The following VRK2 variants were observed in gnomAD, a reference collection of about 807,000 sequenced individuals.
The protein encoded by VRK2 is serine/threonine-protein kinase VRK2.
A neutral mutation model predicts 57.6 loss-of-function variants in VRK2; 60 were observed. The ratio of observed to expected loss-of-function variants is 1.04; its 90% CI spans 0.85 to 1.29. The LOEUF (loss-of-function observed/expected upper bound fraction) is 1.29. Ranked by LOEUF, VRK2 falls within the 50% of genes most tolerant of loss-of-function variation. The pLI, the probability that VRK2 is intolerant of heterozygous loss-of-function variation, is 0.00. For missense variants in VRK2, 705 were observed against 588.1 expected (o/e 1.20, Z -2.06); for synonymous variants, 231 against 199.2 (o/e 1.16, Z -1.35).
chr2:57,948,829 G>T (rs1273433926), intron 1 of VRK2, among the ~76,000 whole-genome samples: 4 of 152,080 alleles, frequency 2.6e-5, no homozygotes, highest in Admixed American at 2.6e-4. Flanking sequence ...CACAAAATGA[G>T]TATTTTGAAA....
chr2:57,920,875 G>A (rs11125736), intron 1 of VRK2, among the ~76,000 whole-genome samples: 42,723 of 151,828 alleles, frequency 0.28, 6,754 homozygotes, highest in African/African-American at 0.44. Flanking sequence ...TTTATTATGG[G>A]ATCAGAATAG....
intron 1 of VRK2, among the ~76,000 whole-genome samples, chr2:57,940,547 T>C (rs1197328751): frequency 2.8e-5 from 3 of 105,566 alleles, no homozygotes; most frequent in Non-Finnish European, 5.9e-5. Context: ...GAATTAACCA[T>C]CATACAGTCT....
At chr2:58,123,714 G>T (rs917717364) in intron 8 of VRK2, among the ~76,000 whole-genome samples, 1 of 151,844 alleles carries the variant, frequency 6.6e-6, no homozygotes, top group Non-Finnish European at 1.5e-5. Flanking sequence ...AATACAAAAG[G>T]GTTGGCACTT....
chr2:58,157,831 T>C (rs1157292282), intron 12 of VRK2, among the ~76,000 whole-genome samples: 1 of 152,192 alleles, frequency 6.6e-6, no homozygotes, highest in Non-Finnish European at 1.5e-5. Context: ...ACAATGCCAT[T>C]GTAGTGCAAA....
At chr2:58,089,281 T>C (rs1034135964) in intron 6 of VRK2, among the ~76,000 whole-genome samples, 3 of 152,192 alleles carry the variant, frequency 2.0e-5, no homozygotes, top group Admixed American at 6.5e-5. Context: ...CTGAGTGGGC[T>C]TCAAGATTAT....
chr2:58,107,382 T>A (rs1038134576), intron 7 of VRK2, among the ~76,000 whole-genome samples: 1 of 152,118 alleles, frequency 6.6e-6, no homozygotes, highest in Non-Finnish European at 1.5e-5. Flanking sequence ...TGTGAATCCA[T>A]TCAGTTTCAA....
chr2:58,120,860 T>C (rs564640187), intron 7 of VRK2, among the ~76,000 whole-genome samples: 1 of 152,344 alleles, frequency 6.6e-6, no homozygotes, highest in East Asian at 1.9e-4. Flanking sequence ...TGACCAGCCT[T>C]GCTGTAACAT....
intron 8 of VRK2, among the ~76,000 whole-genome samples, chr2:58,127,053 T>G (rs562122863): frequency 6.6e-6 from 1 of 152,244 alleles, no homozygotes; most frequent in East Asian, 1.9e-4. Context: ...TTGACATCTT[T>G]GATGACCATA....
intron 11 of VRK2, among the ~76,000 whole-genome samples, chr2:58,142,175 TA>T (rs1291471695): frequency 1.3e-5 from 2 of 151,952 alleles, no homozygotes; most frequent in Non-Finnish European, 2.9e-5. Flanking sequence ...TTTACATTTT[TA>T]AATGTTATTT....
At chr2:57,972,791 T>C (rs191848241) in intron 1 of VRK2, among the ~76,000 whole-genome samples, 5 of 152,006 alleles carry the variant, frequency 3.3e-5, no homozygotes, top group Admixed American at 1.3e-4. Flanking sequence ...TTCATTGTTG[T>C]CTACAACATG....
chr2:57,913,726 C>CT lies in VRK2; in HGVS notation c.-439+5890dup, dbSNP rs11368779. ...GATATTTTCACAAATTATACATACT[C>CT]TTTGCATGTTTTAATACTGCAGAGA... is the stretch of plus-strand genomic sequence containing the variant. On this transcript the variant is annotated intron_variant, in intron 1 of 15. Transcript: ENST00000417641. Among the ~76,000 whole-genome samples the CT allele has an allele frequency of 5.9e-3, 905 of 152,150 alleles. 10 individuals carry two copies. The highest frequency in any genetic ancestry group is 0.021 in the African/African-American group (852 of 41,518).
At chr2:57,966,754 T>G (rs1027038389) in intron 1 of VRK2, among the ~76,000 whole-genome samples, 1 of 152,178 alleles carries the variant, frequency 6.6e-6, no homozygotes, top group Non-Finnish European at 1.5e-5. Flanking sequence ...TCCTCTAGAA[T>G]TATTTTTAAG....
At chr2:58,102,320 T>TA (rs1005544377) in intron 7 of VRK2, among the ~76,000 whole-genome samples, 9 of 151,270 alleles carry the variant, frequency 5.9e-5, no homozygotes, top group African/African-American at 1.9e-4. Context: ...GGATTTTTTT[T>TA]AAAAAATGAA....
chr2:58,062,359 T>G (rs1283413569), intron 2 of VRK2, among the ~76,000 whole-genome samples: 1 of 152,028 alleles, frequency 6.6e-6, no homozygotes, highest in African/African-American at 2.4e-5. Context: ...TTAGGCCAAT[T>G]AATAACCCTA....
chr2:58,134,926 A>G (rs1294775480), intron 9 of VRK2, among the ~76,000 whole-genome samples: 1 of 152,030 alleles, frequency 6.6e-6, no homozygotes, highest in East Asian at 1.9e-4. Flanking sequence ...CCCCTACGTT[A>G]GTCTAGGTTA....
intron 7 of VRK2, among the ~76,000 whole-genome samples, chr2:58,106,092 C>T (rs545577283): frequency 6.6e-6 from 1 of 151,988 alleles, no homozygotes; most frequent in African/African-American, 2.4e-5. Context: ...TTTCCCTCTT[C>T]CATTGCTTTT....
At chr2:58,026,815 C>G (rs1184983674) in intron 2 of VRK2, 1 of 152,116 alleles carries the variant, frequency 6.6e-6, no homozygotes, top group Non-Finnish European at 1.5e-5. Flanking sequence ...ACCTCCTTGG[C>G]TCAAGCAATC....
chr2:58,081,303 G>A (rs746147358), intron 2 of VRK2, among the ~76,000 whole-genome samples: 1 of 151,862 alleles, frequency 6.6e-6, no homozygotes, highest in Non-Finnish European at 1.5e-5. Flanking sequence ...TGTCATAACT[G>A]TGTGTGTTCA....
chr2:57,978,840 C>T (rs184368047), intron 1 of VRK2, among the ~76,000 whole-genome samples: 42 of 150,812 alleles, frequency 2.8e-4, no homozygotes, highest in Middle Eastern at 3.4e-3. Flanking sequence ...GTATGTTGTT[C>T]CCCTCTCCAT....
Sources: allele counts gnomAD v4.1 joint callset (sites outside exome capture counted in the v4.1 genomes callset), GRCh38; gene constraint gnomAD v4.1.1; transcripts MANE v1.5; gene names NCBI Gene and HGNC (gene_info 2026-07-23, HGNC 2026-07-21).